The following RBMS2 variants were observed in gnomAD, a reference collection of about 807,000 sequenced individuals.
The protein encoded by RBMS2 is RNA-binding motif, single-stranded-interacting protein 2.
In RBMS2, 38 loss-of-function variants were observed where a neutral mutation model predicts 58.4. The ratio of observed to expected loss-of-function variants is 0.65; its 90% CI spans 0.50 to 0.85. The LOEUF (loss-of-function observed/expected upper bound fraction) is 0.85. Ranked by LOEUF, RBMS2 falls within the 40% of genes least tolerant of loss-of-function variation. RBMS2 has a pLI of 0.00. For synonymous variants in RBMS2, 151 were observed against 180.7 expected (o/e 0.84, Z 1.32); for missense variants, 367 against 503.7 (o/e 0.73, Z 2.60).
chr12:56,522,179 G>A (rs1871829240), intron 1 of RBMS2, 90 bp downstream of exon 1: 11 of 1,072,082 alleles, frequency 1.0e-5, no homozygotes, highest in Non-Finnish European at 1.5e-5. Context: ...TTAAAGAGGG[G>A]AAGGGGCTTC....
At chr12:56,521,619 C>G (rs193047842), upstream of RBMS2, among the ~76,000 whole-genome samples, 2 of 146,662 alleles carry the variant, frequency 1.4e-5, no homozygotes, top group African/African-American at 5.0e-5. Context: ...CCCTCATTGT[C>G]TTTATATGAG....
chr12:56,556,110 A>C (rs1879190340), intron 1 of RBMS2, among the ~76,000 whole-genome samples: 1 of 151,646 alleles, frequency 6.6e-6, no homozygotes, highest in African/African-American at 2.4e-5. Context: ...TTGGTGGTGT[A>C]GTATTTAAAT....
intron 1 of RBMS2, among the ~76,000 whole-genome samples, chr12:56,532,681 C>G (rs1223737001): frequency 6.6e-6 from 1 of 152,088 alleles, no homozygotes; most frequent in African/African-American, 2.4e-5. Context: ...CTTGCTGTCT[C>G]CAATTTATTT....
At chr12:56,537,994 A>G (rs115712921) in intron 1 of RBMS2, among the ~76,000 whole-genome samples, 115 of 151,472 alleles carry the variant, frequency 7.6e-4, no homozygotes, top group African/African-American at 2.5e-3. Flanking sequence ...TTTGGAGATA[A>G]GTCTATTCAA....
intron 1 of RBMS2, among the ~76,000 whole-genome samples, chr12:56,550,926 G>A (rs1183493583): frequency 6.6e-6 from 1 of 151,756 alleles, no homozygotes; most frequent in Admixed American, 6.6e-5. Context: ...TTGAGGCCAG[G>A]AGTTCAAGAC....
chr12:56,520,457 T>A (rs1871628946), upstream of RBMS2, among the ~76,000 whole-genome samples: 1 of 152,194 alleles, frequency 6.6e-6, no homozygotes, highest in African/African-American at 2.4e-5. Flanking sequence ...TTAATTTATA[T>A]CTCAAGAAAC....
intron 2 of RBMS2, among the ~76,000 whole-genome samples, chr12:56,563,113 A>C (rs1447765885): frequency 6.6e-6 from 1 of 152,096 alleles, no homozygotes; most frequent in Non-Finnish European, 1.5e-5. Context: ...ATAGAGTGAG[A>C]TTCCATCTCA....
At chr12:56,543,670 T>C (rs1015271199) in intron 1 of RBMS2, among the ~76,000 whole-genome samples, 9 of 150,358 alleles carry the variant, frequency 6.0e-5, no homozygotes, top group South Asian at 4.2e-4. Flanking sequence ...ACCTCTTTTT[T>C]TTGGAGGCGG....
At chr12:56,556,408 C>T (rs1198700453) in intron 1 of RBMS2, among the ~76,000 whole-genome samples, 3 of 147,968 alleles carry the variant, frequency 2.0e-5, no homozygotes, top group African/African-American at 7.5e-5. Context: ...CAGAGTCTCA[C>T]TCTGTCACCC....
upstream of RBMS2, among the ~76,000 whole-genome samples, chr12:56,521,648 G>C (rs1279410608): frequency 2.6e-5 from 4 of 151,244 alleles, no homozygotes; most frequent in African/African-American, 9.7e-5. Flanking sequence ...CTTGTTCATA[G>C]AGGAAAGGGG....
chr12:56,551,617 G>A (rs1878285127), intron 1 of RBMS2, among the ~76,000 whole-genome samples: 1 of 149,764 alleles, frequency 6.7e-6, no homozygotes, highest in African/African-American at 2.5e-5. Context: ...AGGGTGGTTT[G>A]GAGGTGTAGG....
At chr12:56,528,494 A>C (rs747917527) in intron 1 of RBMS2, among the ~76,000 whole-genome samples, 1 of 152,168 alleles carries the variant, frequency 6.6e-6, no homozygotes, top group Non-Finnish European at 1.5e-5. Flanking sequence ...GCAGAACCCA[A>C]ATAGAAAGTA....
chr12:56,594,530 T>G lies in RBMS2; in HGVS notation c.*5397T>G, dbSNP rs1417334090. On this transcript the variant is annotated 3_prime_UTR_variant, in exon 14 of 14. Transcript: ENST00000262031. ...CCGTTTAAACCAACTACTCTATTTC[T>G]GTGCTGCCTACATTTTCAATCCTCC... The G allele has an allele frequency of 1.3e-5, 2 of 152,248 alleles. No homozygotes were observed. Among genetic ancestry groups the G allele is most frequent in the East Asian group, 3.8e-4 (2 of 5,200 alleles). The allele number at this position is 152,248 out of a possible 1,614,324, so 9.4% of individuals were successfully genotyped here.
At chr12:56,585,958 G>A (rs745802904) in intron 9 of RBMS2, among the ~76,000 whole-genome samples, 3 of 151,858 alleles carry the variant, frequency 2.0e-5, no homozygotes, top group Non-Finnish European at 2.9e-5. Context: ...TGAGGTGGGC[G>A]GATCACTTGA....
chr12:56,575,829 G>A (rs543015384), intron 5 of RBMS2, among the ~76,000 whole-genome samples: 294 of 151,916 alleles, frequency 1.9e-3, no homozygotes, highest in Middle Eastern at 3.4e-3. Flanking sequence ...GGGAGGCGGA[G>A]GTTACGGTGA....
At chr12:56,587,870 T>C (rs923093640) in intron 11 of RBMS2, among the ~76,000 whole-genome samples, 1 of 152,190 alleles carries the variant, frequency 6.6e-6, no homozygotes, top group African/African-American at 2.4e-5. Flanking sequence ...CCCTTTTAAC[T>C]GATTCCTACT....
chr12:56,589,048 G>A (rs772313648), intron 13 of RBMS2, 30 bp downstream of exon 13: 2 of 1,613,810 alleles, frequency 1.2e-6, no homozygotes, highest in Non-Finnish European at 1.7e-6. Context: ...GGGCAGGGAG[G>A]GCTGCACTGG....
intron 2 of RBMS2, among the ~76,000 whole-genome samples, chr12:56,565,324 T>C (rs914428431): frequency 3.3e-5 from 5 of 152,194 alleles, no homozygotes; most frequent in African/African-American, 1.2e-4. Context: ...ATAGATTATT[T>C]TGTCACCTGG....
intron 1 of RBMS2, among the ~76,000 whole-genome samples, chr12:56,536,535 CTCTT>C (rs943819906): frequency 2.7e-5 from 4 of 150,188 alleles, no homozygotes; most frequent in African/African-American, 9.8e-5. Flanking sequence ...TTTCTTTTCT[CTCTT>C]TCTCTCCTTC....
Sources: gnomAD v4.1 joint callset for allele counts (sites outside exome capture counted in the v4.1 genomes callset) on GRCh38, gnomAD v4.1.1 for gene constraint, MANE v1.5 for transcripts, NCBI Gene and HGNC (gene_info 2026-07-23, HGNC 2026-07-21) for gene names.